The following METTL15 variants were observed in gnomAD, a reference collection of about 807,000 sequenced individuals.
METTL15 encodes the protein 12S rRNA N(4)-cytidine methyltransferase METTL15.
Under a neutral mutation model 38.3 loss-of-function variants are expected in METTL15, and 34 were observed. The ratio of observed to expected loss-of-function variants is 0.89; its 90% CI spans 0.68 to 1.18. The LOEUF (loss-of-function observed/expected upper bound fraction) is 1.18. Among genes scored for constraint, METTL15 ranks in the 50% most tolerant of loss-of-function variants. The pLI, the probability that METTL15 is intolerant of heterozygous loss-of-function variation, is 0.00. For synonymous variants in METTL15, 162 were observed against 170.9 expected, an observed-to-expected ratio of 0.95 and a Z score of 0.41; for missense variants, 438 against 498.4, an observed-to-expected ratio of 0.88 and a Z score of 1.15.
At chr11:28,125,719 T>C (rs957536481) in intron 3 of METTL15, 1 of 152,124 alleles carries the variant, frequency 6.6e-6, no homozygotes, top group Non-Finnish European at 1.5e-5. Flanking sequence ...GTTACGATGA[T>C]TGCGTATTCC....
At chr11:28,116,528 G>A (rs1270756341) in intron 3 of METTL15, among the ~76,000 whole-genome samples, 13 of 152,198 alleles carry the variant, frequency 8.5e-5, no homozygotes, top group Admixed American at 8.5e-4. Flanking sequence ...ACATGTGCAT[G>A]TGTGCACACA....
chr11:28,130,465 T>G (rs1265430500), intron 3 of METTL15, among the ~76,000 whole-genome samples: 1 of 152,162 alleles, frequency 6.6e-6, no homozygotes, highest in East Asian at 1.9e-4. Flanking sequence ...AAATAAGTGT[T>G]ATAAGAAAGG....
downstream of METTL15, among the ~76,000 whole-genome samples, chr11:28,528,089 T>C (rs1407271501): frequency 6.6e-6 from 1 of 152,252 alleles, no homozygotes; most frequent in Non-Finnish European, 1.5e-5. Context: ...ATTCTCTGCC[T>C]ATATTATATA....
chr11:28,268,793 T>TTAC (rs1855532641), intron 4 of METTL15, among the ~76,000 whole-genome samples: 1 of 152,220 alleles, frequency 6.6e-6, no homozygotes. Flanking sequence ...GATATTATTA[T>TTAC]TACATCTATC....
In METTL15 at chr11:28,436,938, A is replaced by G. The variant is rs1850987421; in HGVS notation, c.*424+12574A>G. Among the ~76,000 whole-genome samples, 4 of 152,216 alleles carry G rather than the reference A, an allele frequency of 2.6e-5. No homozygotes were observed. The South Asian group carries it at 8.3e-4, about 32-fold the overall frequency. ...CAATCTGGGTGGGCACCATCTAATC[A>G]GTTGCCAGCATGGCTAGAATAAAGC... On this transcript the variant is annotated intron_variant and NMD_transcript_variant, in intron 6 of 7. Coordinates refer to the METTL15 transcript ENST00000532947.
chr11:28,426,786 T>A (rs953948338), intron 6 of METTL15, among the ~76,000 whole-genome samples: 2 of 151,882 alleles, frequency 1.3e-5, no homozygotes, highest in East Asian at 3.9e-4. Context: ...TGGTGTTGTT[T>A]ATTTTTTTTT....
intron 5 of METTL15, among the ~76,000 whole-genome samples, chr11:28,374,177 A>C (rs1211163321): frequency 6.6e-6 from 1 of 152,162 alleles, no homozygotes; most frequent in African/African-American, 2.4e-5. Context: ...ATGAACTTAA[A>C]GTAGTTTTTT....
At chr11:28,415,157 A>G (rs1157098894) in intron 5 of METTL15, among the ~76,000 whole-genome samples, 4 of 152,210 alleles carry the variant, frequency 2.6e-5, no homozygotes, top group African/African-American at 4.8e-5. Flanking sequence ...AAGTTCTTGA[A>G]GACTTTAAAT....
intron 4 of METTL15, among the ~76,000 whole-genome samples, chr11:28,243,957 A>C (rs1854408684): frequency 6.6e-6 from 1 of 152,180 alleles, no homozygotes; most frequent in South Asian, 2.1e-4. Context: ...GGGATATTTC[A>C]TTTTTGCTCT....
At chr11:28,267,901 T>C (rs1855489039) in intron 4 of METTL15, among the ~76,000 whole-genome samples, 1 of 152,150 alleles carries the variant, frequency 6.6e-6, no homozygotes, top group African/African-American at 2.4e-5. Context: ...TGTCTACATA[T>C]AAGAATAAAA....
At chr11:28,437,582 C>T (rs929478501) in intron 6 of METTL15, among the ~76,000 whole-genome samples, 9 of 152,196 alleles carry the variant, frequency 5.9e-5, no homozygotes, top group Admixed American at 2.0e-4. Flanking sequence ...CTTGTGATTT[C>T]AGCAGATGAA....
chr11:28,326,961 T>G (rs202073867), intron 6 of METTL15, among the ~76,000 whole-genome samples: 4 of 127,658 alleles, frequency 3.1e-5, no homozygotes, highest in Admixed American at 2.8e-4. Context: ...TTTTATATTC[T>G]TTTGTTTCTT....
At chr11:28,250,192 A>G (rs1555014944) in intron 4 of METTL15, among the ~76,000 whole-genome samples, 2 of 151,976 alleles carry the variant, frequency 1.3e-5, no homozygotes, top group Non-Finnish European at 2.9e-5. Context: ...CATAGTGTAC[A>G]TGTATCTTTA....
At chr11:28,506,911 A>C (rs1170343548) in intron 6 of METTL15, among the ~76,000 whole-genome samples, 1 of 151,670 alleles carries the variant, frequency 6.6e-6, no homozygotes, top group African/African-American at 2.4e-5. Flanking sequence ...TGCCTGGCTA[A>C]TTTTTGTATT....
Position 28,210,485 on chromosome 11 carries a change from A to AT in METTL15, c.271-568dup, listed in dbSNP as rs776019109. Among the ~76,000 whole-genome samples the AT allele has an allele frequency of 2.7e-3, 401 of 150,122 alleles. 2 individuals carry two copies. The highest frequency in any genetic ancestry group is 4.3e-3 in the Non-Finnish European group (288 of 67,312). On this transcript the variant is annotated intron_variant, in intron 3 of 6. Transcript: ENST00000407364. ...CCCTAGGTATTTTGACTTGAAAAGCATTTTTTTTTCTTCTCAGTTCATATT... is the reference window on the plus strand; with the variant it reads ...CCCTAGGTATTTTGACTTGAAAAGCATTTTTTTTTTCTTCTCAGTTCATATT...
At chr11:28,123,536 T>G (rs1852341374) in intron 3 of METTL15, among the ~76,000 whole-genome samples, 1 of 151,160 alleles carries the variant, frequency 6.6e-6, no homozygotes, top group Non-Finnish European at 1.5e-5. Context: ...TTGTGGTCAG[T>G]TGCTAGTAGT....
At chr11:28,418,646 T>TAACCTTTTAACCTAAA (rs1850794192) in intron 5 of METTL15, among the ~76,000 whole-genome samples, 1 of 152,158 alleles carries the variant, frequency 6.6e-6, no homozygotes, top group Non-Finnish European at 1.5e-5. Flanking sequence ...TACCTGGTTT[T>TAACCTTTTAACCTAAA]AGCTTTATGT....
chr11:28,517,773 G>T (rs1184198456), intron 6 of METTL15, among the ~76,000 whole-genome samples: 1 of 152,234 alleles, frequency 6.6e-6, no homozygotes, highest in African/African-American at 2.4e-5. Flanking sequence ...TGACAATGAT[G>T]TGTGTGGGGA....
intron 5 of METTL15, among the ~76,000 whole-genome samples, chr11:28,374,716 G>C (rs1850286276): frequency 6.6e-6 from 1 of 151,376 alleles, no homozygotes; most frequent in Non-Finnish European, 1.5e-5. Context: ...AATAGGAGTG[G>C]TGAGAGAGGG....
Sources: allele counts gnomAD v4.1 joint callset (sites outside exome capture counted in the v4.1 genomes callset), GRCh38; gene constraint gnomAD v4.1.1; transcripts MANE v1.5; gene names NCBI Gene and HGNC (gene_info 2026-07-23, HGNC 2026-07-21).